Variants in SLC30A9 observed in about 807,000 individuals in gnomAD.
SLC30A9 encodes solute carrier family 30 member 9.
A neutral mutation model predicts 87.5 loss-of-function variants in SLC30A9; 58 were observed. The observed-to-expected ratio is 0.66, with a 90% CI of 0.54 to 0.82. The LOEUF is 0.82. Among genes scored for constraint, SLC30A9 ranks in the 40% least tolerant of loss-of-function variants. The pLI is 0.00. For synonymous variants in SLC30A9, 234 were observed against 233.0 expected, an observed-to-expected ratio of 1.00 and a Z score of -0.04; for missense variants, 557 against 679.1, an observed-to-expected ratio of 0.82 and a Z score of 2.00.
intron 15 of SLC30A9, among the ~76,000 whole-genome samples, chr4:42,074,442 G>T (rs887901410): frequency 2.6e-5 from 4 of 152,164 alleles, no homozygotes; most frequent in Non-Finnish European, 5.9e-5. Flanking sequence ...AGAAAGAAGA[G>T]AATTTCTCAG....
rs1244473648 is a variant in SLC30A9, at chr4:42,089,960, A to G, written c.*3834A>G. 9 of 152,234 alleles carry G rather than the reference A, an allele frequency of 5.9e-5. No individual in the cohort carries two copies. The highest frequency in any genetic ancestry group is 2.2e-4 in the African/African-American group (9 of 41,462). The allele number at this position is 152,234 out of a possible 1,614,324, so 9.4% of individuals were successfully genotyped here. On this transcript the variant is annotated 3_prime_UTR_variant, in exon 18 of 18. Coordinates refer to ENST00000264451, the MANE Select transcript of SLC30A9 (RefSeq NM_006345.4). ...GCTTTCAGTGTTACCTTATCTCATA[A>G]TTTAGGTAATGATTTTTGCTAAAAT...
rs1719021861 is a variant in SLC30A9 at position 42,089,181 on chromosome 4, A to G, written c.*3055A>G. On this transcript the variant is annotated 3_prime_UTR_variant, in exon 18 of 18. Transcript: ENST00000264451. ...GATTGATTCCTTCTTGCCCAAAACT[A>G]AAATCTAGGATTTATCAAAGGTGAG... 1 of 152,196 alleles carries G rather than the reference A, an allele frequency of 6.6e-6. No individual in the cohort carries two copies. Among genetic ancestry groups the G allele is most frequent in the Non-Finnish European group, 1.5e-5 (1 of 68,038 alleles). 9.4% of individuals were successfully genotyped at this position (152,196 alleles called of 1,614,324 possible). A position where few individuals can be genotyped will look rare whatever the true frequency, so the allele number is the denominator to read the frequency against.
intron 6 of SLC30A9, chr4:42,030,188 A>G: frequency 3.7e-6 from 2 of 540,670 alleles, no homozygotes; most frequent in Non-Finnish European, 5.6e-6. Context: ...AAAGCCTGTT[A>G]GTCTTGAACA....
At chr4:42,042,825 G>T (rs753588447) in intron 8 of SLC30A9, among the ~76,000 whole-genome samples, 5 of 152,148 alleles carry the variant, frequency 3.3e-5, no homozygotes, top group South Asian at 2.1e-4. Flanking sequence ...ATACAGGAGA[G>T]CTCCAGCTGA....
intron 1 of SLC30A9, among the ~76,000 whole-genome samples, chr4:41,995,783 C>T (rs1241356536): frequency 6.6e-6 from 1 of 152,244 alleles, no homozygotes; most frequent in East Asian, 1.9e-4. Context: ...GATCACAGCT[C>T]ACCGCAGCCT....
intron 6 of SLC30A9, among the ~76,000 whole-genome samples, chr4:42,032,860 A>G (rs967430188): frequency 1.6e-4 from 24 of 152,188 alleles, no homozygotes; most frequent in African/African-American, 5.1e-4. Flanking sequence ...GTAATCAACT[A>G]TTTCTAAAAG....
intron 9 of SLC30A9, among the ~76,000 whole-genome samples, chr4:42,056,829 T>A (rs984404506): frequency 6.6e-6 from 1 of 152,058 alleles, no homozygotes; most frequent in African/African-American, 2.4e-5. Context: ...AGGCATTGGG[T>A]AAATACAGAC....
At chr4:42,063,833 A>C (rs1265022513) in intron 11 of SLC30A9, among the ~76,000 whole-genome samples, 1 of 151,880 alleles carries the variant, frequency 6.6e-6, no homozygotes, top group Non-Finnish European at 1.5e-5. Flanking sequence ...CACATAGCCT[A>C]CCCTCTCAGC....
At chr4:42,063,569 T>C (rs1413003884) in intron 11 of SLC30A9, among the ~76,000 whole-genome samples, 1 of 152,188 alleles carries the variant, frequency 6.6e-6, no homozygotes. Flanking sequence ...AAGCCTGCAC[T>C]GGGGGAATGG....
intron 9 of SLC30A9, among the ~76,000 whole-genome samples, chr4:42,054,987 A>G (rs946473733): frequency 2.0e-5 from 3 of 152,190 alleles, no homozygotes; most frequent in Non-Finnish European, 4.4e-5. Flanking sequence ...TTACATATTT[A>G]TAATTGTTAA....
At chr4:42,063,929 A>G (rs1186103268) in intron 11 of SLC30A9, among the ~76,000 whole-genome samples, 1 of 152,134 alleles carries the variant, frequency 6.6e-6, no homozygotes, top group East Asian at 1.9e-4. Context: ...TGATCTCCTT[A>G]TAAAAGACTC....
At chr4:42,075,060 T>TATATATATATATATA (rs1491178262) in intron 15 of SLC30A9, among the ~76,000 whole-genome samples, 2 of 30,862 alleles carry the variant, frequency 6.5e-5, no homozygotes, top group African/African-American at 1.2e-4. Context: ...TATATATATA[T>TATATATATATATATA]TTTTTTTTTT....
At chr4:42,006,721 G>A (rs1715218957) in intron 2 of SLC30A9, among the ~76,000 whole-genome samples, 1 of 150,714 alleles carries the variant, frequency 6.6e-6, no homozygotes, top group African/African-American at 2.4e-5. Flanking sequence ...ATGGATGTGT[G>A]GTGAATGGTG....
In SLC30A9 at chr4:42,033,683, C is replaced by T. The variant is rs28477280; in HGVS notation, c.611-1592C>T. 1.7e-3 allele frequency among the ~76,000 whole-genome samples: 253 copies of T among 152,236 alleles called. 1 individual carries two copies. Among genetic ancestry groups the T allele is most frequent in the African/African-American group, 5.8e-3 (241 of 41,542 alleles). On this transcript the variant is annotated intron_variant, in intron 6 of 17. Coordinates refer to ENST00000264451, the MANE Select transcript of SLC30A9 (RefSeq NM_006345.4). ...CTCCGCCTCCTGGGTTCAAGCAATT[C>T]TCCTGCCTCAACTTCTCAAGTAGCT...
At chr4:42,059,043 A>G (rs1213623669) in intron 9 of SLC30A9, among the ~76,000 whole-genome samples, 1 of 152,140 alleles carries the variant, frequency 6.6e-6, no homozygotes, top group Non-Finnish European at 1.5e-5. Flanking sequence ...AGGGTTTCCA[A>G]TATTAAGACC....
In SLC30A9 at chr4:42,039,089, A is replaced by G. The variant is rs1432580812; in HGVS notation, c.737+36A>G. The G allele has an allele frequency of 4.2e-6, 6 of 1,437,148 alleles. No individual in the cohort carries two copies. In the Middle Eastern group the frequency reaches 5.2e-4, roughly 125 times the overall value. The allele number at this position is 1,437,148 out of a possible 1,614,324, so 89.0% of individuals were successfully genotyped here. A position where few individuals can be genotyped will look rare whatever the true frequency, so the allele number is the denominator to read the frequency against. On this transcript the variant is annotated intron_variant, in intron 8 of 17. Transcript: ENST00000264451. ...AAAAATAAGCTTTGTGAAATAGAAT[A>G]TATTCTTTTAAATATGTATATCCTT...
intron 15 of SLC30A9, among the ~76,000 whole-genome samples, chr4:42,073,906 T>C (rs2153140833): frequency 6.6e-6 from 1 of 152,318 alleles, no homozygotes; most frequent in African/African-American, 2.4e-5. Flanking sequence ...ATTGATCATA[T>C]GGGAGCCCTC....
chr4:42,009,199 C>T (rs1214087094), intron 2 of SLC30A9, among the ~76,000 whole-genome samples: 2 of 152,056 alleles, frequency 1.3e-5, no homozygotes, highest in African/African-American at 2.4e-5. Context: ...AGTTTATTTT[C>T]TTATATTAGA....
chr4:42,004,614 T>C (rs1280290591), intron 2 of SLC30A9, among the ~76,000 whole-genome samples: 1 of 151,988 alleles, frequency 6.6e-6, no homozygotes, highest in Non-Finnish European at 1.5e-5. Context: ...TGATTATGTA[T>C]GTTGGGTTTT....
Sources: allele counts gnomAD v4.1 joint callset (sites outside exome capture counted in the v4.1 genomes callset), GRCh38; gene constraint gnomAD v4.1.1; transcripts MANE v1.5; gene names NCBI Gene and HGNC (gene_info 2026-07-23, HGNC 2026-07-21).